The following CAPN2 variants were observed in gnomAD, a reference collection of about 807,000 sequenced individuals.
CAPN2 encodes the protein calpain-2 catalytic subunit.
Under a neutral mutation model 102.3 loss-of-function variants are expected in CAPN2, and 92 were observed. The ratio of observed to expected loss-of-function variants is 0.90; its 90% CI spans 0.76 to 1.07. The LOEUF (loss-of-function observed/expected upper bound fraction) is 1.07. Ranked by LOEUF, CAPN2 falls within the 50% of genes least tolerant of loss-of-function variation. The probability of loss-of-function intolerance (pLI) is 0.00; values close to 1 mark genes in which losing one functional copy is unlikely to be tolerated. For missense variants in CAPN2, 800 were observed against 909.4 expected (o/e 0.88, Z 1.55); for synonymous variants, 340 against 355.4 (o/e 0.96, Z 0.49).
rs373970136 is a variant in CAPN2, at chr1:223,748,995, A to C, written c.730-44A>C. On this transcript the variant is annotated intron_variant, in intron 5 of 20. Coordinates refer to ENST00000295006, the MANE Select transcript of CAPN2 (RefSeq NM_001748.5). ...GAGGGAGCGAGGGAGTCCGGGAGGA[A>C]GGGAGAGCGGGTGCGGCCAGTCTGA... 1.0e-5 allele frequency: 16 copies of C among 1,546,432 alleles called. No individual in the cohort carries two copies. In the African/African-American group the frequency reaches 2.2e-4, roughly 21 times the overall value.
Position 223,759,489 on chromosome 1 carries a change from GTT to G in CAPN2, c.1529+10_1529+11del. On this transcript the variant is annotated intron_variant, in intron 12 of 20. Coordinates refer to ENST00000295006, the MANE Select transcript of CAPN2 (RefSeq NM_001748.5). The surrounding 1 kb of genome is among the most constrained non-coding windows in gnomAD (Gnocchi z 4.6). ...AAAGAAAGCTGACTACCAGTAGGCG[GTT>G]TGGTCCCTTCCTCTCCCCACCCTTC... is the stretch of plus-strand genomic sequence containing the variant. 1 of 1,612,834 alleles carries G rather than the reference GTT, an allele frequency of 6.2e-7. No individual in the cohort carries two copies. Among genetic ancestry groups the G allele is most frequent in the South Asian group, 1.1e-5 (1 of 91,050 alleles).
At chr1:223,719,831 T>TGC (rs957997501) in intron 2 of CAPN2, among the ~76,000 whole-genome samples, 1,081 of 96,766 alleles carry the variant, frequency 0.011, 14 homozygotes, top group African/African-American at 0.037. Context: ...TGTGTGTGTG[T>TGC]GCGCGCGCGC....
At chr1:223,764,085 C>A in intron 14 of CAPN2, 65 bp from the exon 15 acceptor site, 1 of 1,296,904 alleles carries the variant, frequency 7.7e-7, no homozygotes, top group Non-Finnish European at 1.1e-6. Context: ...GCACTGGTGT[C>A]CTGCCCTGTG....
intron 4 of CAPN2, among the ~76,000 whole-genome samples, chr1:223,746,186 G>A (rs550409236): frequency 3.3e-5 from 5 of 152,206 alleles, no homozygotes; most frequent in Non-Finnish European, 7.3e-5. Context: ...TCAGCTGTGA[G>A]AACCTGGAGC....
intron 2 of CAPN2, among the ~76,000 whole-genome samples, chr1:223,742,549 G>T (rs549422013): frequency 2.2e-4 from 25 of 112,246 alleles, no homozygotes; most frequent in Admixed American, 2.0e-3. Flanking sequence ...ACAGGGTCTT[G>T]CTCTTCTGTC....
rs1421838472 is a variant in CAPN2 at position 223,759,750 on chromosome 1, T to A, written c.1529+269T>A. On this transcript the variant is annotated intron_variant, in intron 12 of 20. Coordinates refer to ENST00000295006, the MANE Select transcript of CAPN2 (RefSeq NM_001748.5). The surrounding 1 kb of genome is among the most constrained non-coding windows in gnomAD (Gnocchi z 4.6). ...ATTGCAGGGTCTAATTTCATAAGCG[T>A]GTCTCTGAATTCTCAAGTTGGTACT... 3.3e-5 allele frequency among the ~76,000 whole-genome samples: 5 copies of A among 152,336 alleles called. No homozygotes were observed. The East Asian group carries it at 9.6e-4, about 29-fold the overall frequency.
At position 223,752,149 on chromosome 1, in the gene CAPN2, T is replaced by C. The variant is rs1198509439; in HGVS notation, c.974+78T>C. The C allele has an allele frequency of 2.9e-6, 3 of 1,028,564 alleles. No homozygotes were observed. The African/African-American group carries it at 4.8e-5, about 17-fold the overall frequency. The allele number at this position is 1,028,564 out of a possible 1,614,324, so 63.7% of individuals were successfully genotyped here. A position where few individuals can be genotyped will look rare whatever the true frequency, so the allele number is the denominator to read the frequency against. ...CTAGAAAACTGCTAATTAGAAAGAG[T>C]GTCGGCCAAAGTGAGTTTACCATGT... is the stretch of plus-strand genomic sequence containing the variant. On this transcript the variant is annotated intron_variant, in intron 8 of 20. Coordinates refer to ENST00000295006, the MANE Select transcript of CAPN2 (RefSeq NM_001748.5).
At position 223,712,574 on chromosome 1, in the gene CAPN2, C is replaced by G; in HGVS notation, c.-67C>G. On this transcript the variant is annotated 5_prime_UTR_variant, in exon 1 of 21. Transcript: ENST00000295006. The stretch of plus-strand genomic sequence containing the variant: ...GCAGCGCGCCGGGCCCTGGCCGCGC[C>G]CCAGCCGAGCGCAGCGCGGAGTCGC... 1 of 1,397,978 alleles carries G rather than the reference C, an allele frequency of 7.2e-7. No individual in the cohort carries two copies. The highest frequency in any genetic ancestry group is 9.3e-7 in the Non-Finnish European group (1 of 1,077,366). The allele number at this position is 1,397,978 out of a possible 1,614,324, so 86.6% of individuals were successfully genotyped here.
At chr1:223,733,691 C>T (rs1003682592) in intron 2 of CAPN2, among the ~76,000 whole-genome samples, 6 of 152,080 alleles carry the variant, frequency 3.9e-5, no homozygotes, top group Admixed American at 6.6e-5. Flanking sequence ...CTGTGCTTAA[C>T]GATTCAAAAA....
intron 19 of CAPN2, 104 bp from the exon 20 acceptor site, chr1:223,772,077 A>C (rs1661491618): frequency 4.2e-6 from 5 of 1,176,744 alleles, no homozygotes; most frequent in Non-Finnish European, 3.8e-6. Flanking sequence ...TGAGGAAGAA[A>C]GCATGTATGG....
At chr1:223,711,651 C>T (rs1056628889), upstream of CAPN2, among the ~76,000 whole-genome samples, 2 of 152,210 alleles carry the variant, frequency 1.3e-5, no homozygotes, top group Admixed American at 1.3e-4. Context: ...CGCTTTGTCA[C>T]CCAGGCTGGA....
intron 1 of CAPN2, among the ~76,000 whole-genome samples, chr1:223,706,464 G>C (rs1000555017): frequency 2.0e-5 from 3 of 152,156 alleles, no homozygotes; most frequent in African/African-American, 4.8e-5. Context: ...TTCAAATCAC[G>C]GACCTGAAAG....
chr1:223,763,382 G>A (rs1220724091), intron 14 of CAPN2, among the ~76,000 whole-genome samples: 5 of 152,110 alleles, frequency 3.3e-5, no homozygotes, highest in African/African-American at 1.2e-4. Flanking sequence ...CAAGGAAAGG[G>A]GCCATGAGAG....
intron 12 of CAPN2, among the ~76,000 whole-genome samples, chr1:223,760,796 T>C (rs1661164474): frequency 6.6e-6 from 1 of 152,214 alleles, no homozygotes; most frequent in African/African-American, 2.4e-5. Flanking sequence ...TCTGACTTCC[T>C]TGTCCCAAAA....
chr1:223,737,814 G>A (rs1201443861), intron 2 of CAPN2, among the ~76,000 whole-genome samples: 3 of 150,974 alleles, frequency 2.0e-5, no homozygotes, highest in Non-Finnish European at 1.5e-5. Context: ...AAAACCGGGA[G>A]AGGGGAAAAA....
chr1:223,704,100 G>A (rs1022649414), intron 1 of CAPN2, among the ~76,000 whole-genome samples: 4 of 152,084 alleles, frequency 2.6e-5, no homozygotes, highest in South Asian at 2.1e-4. Context: ...AGACCAGCCC[G>A]GCCAACATGG....
intron 1 of CAPN2, among the ~76,000 whole-genome samples, chr1:223,714,856 T>G (rs1435017269): frequency 6.6e-6 from 1 of 152,204 alleles, no homozygotes; most frequent in Admixed American, 6.5e-5. Context: ...CCCCAACAGT[T>G]GGAAATGCCT....
intron 7 of CAPN2, among the ~76,000 whole-genome samples, chr1:223,751,617 C>CCAG (rs752516322): frequency 0.11 from 16,468 of 152,138 alleles, 2,242 homozygotes; most frequent in African/African-American, 0.32. Context: ...GCTTCCCAGG[C>CCAG]CTCAGCCGGA....
chr1:223,738,131 T>G (rs1660513631), intron 2 of CAPN2, among the ~76,000 whole-genome samples: 1 of 152,186 alleles, frequency 6.6e-6, no homozygotes, highest in Admixed American at 6.5e-5. Flanking sequence ...TCAGCTAAGT[T>G]CAAAAACAAT....
Sources: gnomAD v4.1 joint callset for allele counts (sites outside exome capture counted in the v4.1 genomes callset) on GRCh38, gnomAD v4.1.1 for gene constraint, Gnocchi (gnomAD v3.1) non-coding constraint, MANE v1.5 for transcripts, NCBI Gene and HGNC (gene_info 2026-07-23, HGNC 2026-07-21) for gene names.